The following KIFC2 variants were observed in gnomAD, a reference collection of about 807,000 sequenced individuals.
KIFC2 encodes kinesin-like protein KIFC2.
A neutral mutation model predicts 91.5 loss-of-function variants in KIFC2; 94 were observed. That is an observed-to-expected ratio of 1.03 (90% CI 0.87 to 1.22). KIFC2 has a LOEUF of 1.22. KIFC2 is among the 50% of genes most tolerant of loss of function. KIFC2 has a pLI of 0.00. For synonymous variants in KIFC2, 729 were observed against 503.9 expected (o/e 1.45, Z -5.98); for missense variants, 1,357 against 1,103.3 (o/e 1.23, Z -3.26).
At position 144,468,361 on chromosome 8, in the gene KIFC2, C is replaced by T. The variant is rs746814461; in HGVS notation, c.843C>T (p.Gly281=). The T allele has an allele frequency of 1.9e-6, 3 of 1,612,634 alleles. No individual in the cohort carries two copies. The highest frequency in any genetic ancestry group is 1.1e-5 in the South Asian group (1 of 90,942). ...EEAEALLELQ[G]RLQEAQDTTE... is the part of the protein sequence containing the mutation. The stretch of plus-strand genomic sequence containing the variant: ...CAGAGGCATTGCTAGAGCTCCAGGG[C>T]CGGCTTCAGGAGGCCCAAGACACCA... Residue 281 remains glycine (G), a synonymous_variant, in exon 8 of 18, where the codon GGC becomes GGT. Transcript: ENST00000645548.
rs372367634 is a variant in KIFC2 at position 144,468,395 on chromosome 8, C to T, written c.877C>T (p.Leu293Phe). Residue 293 changes from leucine to phenylalanine, a missense_variant, in exon 8 of 18, where the codon CTC (leucine) becomes TTC (phenylalanine). Coordinates refer to ENST00000645548, the MANE Select transcript of KIFC2 (RefSeq NM_001369769.2). ...LQEAQDTTEA[L>F]RAQLGVQEVQ... ...GGAGGCCCAAGACACCACAGAAGCC[C>T]TCCGAGCCCAGGTGGGCATGGGGCC... 2.5e-6 allele frequency: 4 copies of T among 1,612,716 alleles called. No homozygotes were observed. In the African/African-American group the frequency reaches 4.0e-5, roughly 16 times the overall value.
Position 144,471,936 on chromosome 8 carries a change from C to T in KIFC2, c.1381-6C>T, listed in dbSNP as rs779630271. The T allele has an allele frequency of 6.2e-7, 1 of 1,612,934 alleles. No homozygotes were observed. The highest frequency in any genetic ancestry group is 8.5e-7 in the Non-Finnish European group (1 of 1,179,754). On this transcript the variant is annotated splice_polypyrimidine_tract_variant and splice_region_variant and intron_variant, in intron 12 of 17. Transcript: ENST00000645548. ...GACTCAAAACACATTCTCCCGCCTC[C>T]CGCAGGTCTTCAGAGAGCTGGAACC...
At position 144,473,057 on chromosome 8, in the gene KIFC2, C is replaced by A; in HGVS notation, c.2118+6C>A. Reference sequence around the variant, plus strand: ...CCGCGGTGCTGCTGCTGCAGGTGGGCGCCGGGGCGGGGCAGGTGTGTGCGT... The same window carrying A: ...CCGCGGTGCTGCTGCTGCAGGTGGGAGCCGGGGCGGGGCAGGTGTGTGCGT... On this transcript the variant is annotated splice_donor_region_variant and intron_variant, in intron 17 of 17. Transcript: ENST00000645548. The A allele has an allele frequency of 7.0e-7, 1 of 1,426,960 alleles. No individual in the cohort carries two copies. The highest frequency in any genetic ancestry group is 2.9e-5 in the East Asian group (1 of 34,032). 88.4% of individuals were successfully genotyped at this position (1,426,960 alleles called of 1,614,324 possible).
At chr8:144,471,879 C>T in intron 12 of KIFC2, 63 bp from the exon 13 acceptor site, 1 of 1,475,772 alleles carries the variant, frequency 6.8e-7, no homozygotes, top group Middle Eastern at 1.7e-4. Flanking sequence ...CCCCACCCCA[C>T]CAAATAGGGC....
At chr8:144,468,233 C>A in intron 7 of KIFC2, 96 bp from the exon 8 acceptor site, 1 of 1,192,650 alleles carries the variant, frequency 8.4e-7, no homozygotes, top group Non-Finnish European at 1.2e-6. Flanking sequence ...GGTTCACAGC[C>A]AGCTCTGCCC....
Position 144,467,340 on chromosome 8 carries a change from T to A in KIFC2, c.468T>A (p.Asp156Glu). The change falls in exon 4 of 18, where the codon GAT (aspartate) becomes GAA (glutamate). Residue 156 changes from aspartate (D) to glutamate (E), a missense_variant and splice_region_variant. Asp to Glu is a conservative substitution (Grantham distance 45). Coordinates refer to ENST00000645548, the MANE Select transcript of KIFC2 (RefSeq NM_001369769.2). The part of the protein sequence containing the change: ...PAPRVRPPSP[D>E]GSTSQEESPS... ...CTCGGGTCCGGCCCCCCTCTCCAGATGGTGAGTAAAGGACAGTAAGTTGAA... is the reference window on the plus strand; with the variant it reads ...CTCGGGTCCGGCCCCCCTCTCCAGAAGGTGAGTAAAGGACAGTAAGTTGAA... 1 of 1,604,132 alleles carries A rather than the reference T, an allele frequency of 6.2e-7. No homozygotes were observed. The highest frequency in any genetic ancestry group is 8.5e-7 in the Non-Finnish European group (1 of 1,175,790).
At chr8:144,469,886 T>C (rs2306382) in intron 12 of KIFC2, among the ~76,000 whole-genome samples, 150,385 of 152,370 alleles carry the variant, frequency 0.99, 74,333 homozygotes, top group Middle Eastern at 1. Flanking sequence ...GGTCCAGGGT[T>C]TGCCCAGCTA....
chr8:144,471,375 A>G (rs1190764193), intron 12 of KIFC2, among the ~76,000 whole-genome samples: 1 of 151,310 alleles, frequency 6.6e-6, no homozygotes, highest in African/African-American at 2.4e-5. Flanking sequence ...CAGTGGTGCA[A>G]TCTCAGGTCA....
At chr8:144,466,540 G>T in intron 1 of KIFC2, 22 bp downstream of exon 1, 1 of 1,170,488 alleles carries the variant, frequency 8.5e-7, no homozygotes. Flanking sequence ...TGGCCGTGCA[G>T]CCCGTCGTCT....
At chr8:144,468,261 T>A in intron 7 of KIFC2, 68 bp from the exon 8 acceptor site, 1 of 1,420,466 alleles carries the variant, frequency 7.0e-7, no homozygotes, top group South Asian at 1.2e-5. Context: ...GACTTGACTT[T>A]CCCATCTGTG....
intron 13 of KIFC2, 41 bp downstream of exon 13, chr8:144,472,087 GC>G: frequency 6.2e-7 from 1 of 1,613,150 alleles, no homozygotes; most frequent in Non-Finnish European, 8.5e-7. Flanking sequence ...GGCCCCAGGG[GC>G]CCTGCATGAC....
Position 144,468,386 on chromosome 8 carries a change from A to G in KIFC2, c.868A>G (p.Thr290Ala), listed in dbSNP as rs761901428. 10 of 1,612,966 alleles carry G rather than the reference A, an allele frequency of 6.2e-6. No homozygotes were observed. Among genetic ancestry groups the G allele is most frequent in the South Asian group, 2.2e-5 (2 of 91,010 alleles). Residue 290 changes from threonine (T) to alanine (A), a missense_variant, in exon 8 of 18, where the codon ACA (threonine) becomes GCA (alanine). Coordinates refer to ENST00000645548, the MANE Select transcript of KIFC2 (RefSeq NM_001369769.2). ...QGRLQEAQDT[T>A]EALRAQLGVQ... ...CCGGCTTCAGGAGGCCCAAGACACC[A>G]CAGAAGCCCTCCGAGCCCAGGTGGG...
In KIFC2 at chr8:144,468,765, G is replaced by C. The variant is rs968213893; in HGVS notation, c.1044G>C (p.Gly348=). Residue 348 remains glycine, a synonymous_variant, in exon 10 of 18, where the codon GGG becomes GGC. Transcript: ENST00000645548. ...TGGCCAGCCTGCGTCAGGGCTGCGG[G>C]GACCTCCGAGGTTTGGTCAGCACCT... ...ARMASLRQGC[G]DLRGLVSTFT... The C allele has an allele frequency of 6.2e-7, 1 of 1,614,066 alleles. No homozygotes were observed. Among genetic ancestry groups the C allele is most frequent in the Non-Finnish European group, 8.5e-7 (1 of 1,180,026 alleles).
At chr8:144,471,874 C>T (rs946786712) in intron 12 of KIFC2, 68 bp from the exon 13 acceptor site, 3 of 1,432,456 alleles carry the variant, frequency 2.1e-6, no homozygotes, top group Non-Finnish European at 2.9e-6. Context: ...GCACTCCCCA[C>T]CCCACCAAAT....
At chr8:144,468,872 C>T (rs371186217) in intron 10 of KIFC2, 38 bp downstream of exon 10, 6 of 1,542,976 alleles carry the variant, frequency 3.9e-6, no homozygotes, top group Non-Finnish European at 4.5e-6. Flanking sequence ...CCTCTCTGGG[C>T]AGCCTATTCA....
chr8:144,467,234 C>T lies in KIFC2; in HGVS notation c.362C>T (p.Thr121Ile). 3 of 1,613,684 alleles carry T rather than the reference C, an allele frequency of 1.9e-6. No homozygotes were observed. The highest frequency in any genetic ancestry group is 2.5e-6 in the Non-Finnish European group (3 of 1,180,020). The stretch of plus-strand genomic sequence containing the variant: ...GAGGTCCCCTCACTGTTGACAGTGA[C>T]CAGTCAGCTCTTGGCCCTTCTGGCA... ...SGEVPSLLTV[T>I]SQLLALLAWL... The change falls in exon 4 of 18, where the codon ACC becomes ATC. Residue 121 changes from threonine to isoleucine, a missense_variant. Thr to Ile is a moderately conservative substitution (Grantham distance 89, BLOSUM62 -1). Coordinates refer to ENST00000645548, the MANE Select transcript of KIFC2 (RefSeq NM_001369769.2).
rs777784898 is a variant in KIFC2, at chr8:144,468,594, A to C, written c.947A>C (p.Gln316Pro). The C allele has an allele frequency of 6.2e-7, 1 of 1,612,362 alleles. No individual in the cohort carries two copies. Among genetic ancestry groups the C allele is most frequent in the South Asian group, 1.1e-5 (1 of 90,976 alleles). Reference sequence around the variant, plus strand: ...CAAGGGGCCCTCCAGCAGCTCCAGCAGGAGACGGAGCAGAACTGCAGGCGT... The same window carrying C: ...CAAGGGGCCCTCCAGCAGCTCCAGCCGGAGACGGAGCAGAACTGCAGGCGT... ...GLQGALQQLQ[Q>P]ETEQNCRREL... The change falls in exon 9 of 18, where the codon CAG (glutamine) becomes CCG (proline). Residue 316 changes from glutamine to proline, a missense_variant. Transcript: ENST00000645548.
intron 11 of KIFC2, 41 bp downstream of exon 11, chr8:144,469,420 C>G: frequency 6.2e-7 from 1 of 1,612,188 alleles, no homozygotes; most frequent in Non-Finnish European, 8.5e-7. Flanking sequence ...GGGAGGGCGG[C>G]TGGAAGAAGT....
In KIFC2 at chr8:144,473,259, C is replaced by A; in HGVS notation, c.2246C>A (p.Ser749Tyr). The change falls in exon 18 of 18, where the codon TCC becomes TAC. Residue 749 changes from serine (S) to tyrosine (Y), a missense_variant. By Grantham distance (144) the Ser-to-Tyr change is moderately radical. Coordinates refer to ENST00000645548, the MANE Select transcript of KIFC2 (RefSeq NM_001369769.2). ...RVPRSSGTPSSLSTDTPLTGT... is the reference protein window; with the variant it reads ...RVPRSSGTPSYLSTDTPLTGT... ...CCGCGCTCCTCCGGGACGCCTTCTT[C>A]CCTCAGCACCGACACTCCGCTCACC... 1 of 1,605,364 alleles carries A rather than the reference C, an allele frequency of 6.2e-7. No individual in the cohort carries two copies. Among genetic ancestry groups the A allele is most frequent in the Non-Finnish European group, 8.5e-7 (1 of 1,176,946 alleles).
Sources: gnomAD v4.1 joint callset for allele counts (sites outside exome capture counted in the v4.1 genomes callset) on GRCh38, gnomAD v4.1.1 for gene constraint, MANE v1.5 for transcripts, NCBI Gene and HGNC (gene_info 2026-07-23, HGNC 2026-07-21) for gene names.